The following LHFPL6 variants were observed in gnomAD, a reference collection of about 807,000 sequenced individuals.
The protein encoded by LHFPL6 is LHFPL tetraspan subfamily member 6.
In LHFPL6, 9 loss-of-function variants were observed where a neutral mutation model predicts 20.6. The ratio of observed to expected loss-of-function variants is 0.44; its 90% CI spans 0.26 to 0.76. The LOEUF (loss-of-function observed/expected upper bound fraction) is 0.76, where lower values mean the gene tolerates loss of function less well. Among genes scored for constraint, LHFPL6 ranks in the 30% least tolerant of loss-of-function variants. LHFPL6 has a pLI of 0.20. For synonymous variants in LHFPL6, 105 were observed against 98.7 expected (o/e 1.06, Z -0.38); for missense variants, 218 against 253.5 (o/e 0.86, Z 0.95).
At chr13:39,415,877 G>GAAGA (rs1871335266) in intron 2 of LHFPL6, among the ~76,000 whole-genome samples, 2 of 152,148 alleles carry the variant, frequency 1.3e-5, no homozygotes, top group South Asian at 4.1e-4. Context: ...AATACATTAC[G>GAAGA]AAGAAAGAAA....
At chr13:39,572,064 G>A (rs1014399019) in intron 2 of LHFPL6, among the ~76,000 whole-genome samples, 9 of 152,158 alleles carry the variant, frequency 5.9e-5, no homozygotes, top group South Asian at 2.1e-4. Flanking sequence ...CAGGGGCAAA[G>A]GACATGAACT....
intron 2 of LHFPL6, among the ~76,000 whole-genome samples, chr13:39,572,779 A>G (rs1011952730): frequency 2.6e-5 from 4 of 152,184 alleles, no homozygotes; most frequent in African/African-American, 9.6e-5. Context: ...TACCCAAGCC[A>G]TCAAAAACTG....
intron 2 of LHFPL6, among the ~76,000 whole-genome samples, chr13:39,386,189 A>C (rs1045141818): frequency 2.0e-5 from 3 of 152,190 alleles, no homozygotes; most frequent in Admixed American, 2.0e-4. Flanking sequence ...TCCATCTCAA[A>C]TTCTCCATAT....
chr13:39,455,395 T>C (rs1187476609), intron 2 of LHFPL6, among the ~76,000 whole-genome samples: 1 of 152,188 alleles, frequency 6.6e-6, no homozygotes, highest in African/African-American at 2.4e-5. Context: ...AGGTACACAC[T>C]GCTCCCATCA....
chr13:39,595,694 C>T (rs536089751), intron 2 of LHFPL6, among the ~76,000 whole-genome samples: 3 of 76,226 alleles, frequency 3.9e-5, no homozygotes, highest in Admixed American at 2.6e-4. Context: ...TATCAGTGTT[C>T]GTGGTTGTGA....
chr13:39,368,127 C>T (rs1352683029), intron 3 of LHFPL6, among the ~76,000 whole-genome samples: 4 of 151,980 alleles, frequency 2.6e-5, no homozygotes, highest in Admixed American at 1.3e-4. Context: ...GCCAGGAGTT[C>T]GAGACCAGCC....
At chr13:39,574,555 T>C (rs1872050407) in intron 2 of LHFPL6, among the ~76,000 whole-genome samples, 1 of 151,904 alleles carries the variant, frequency 6.6e-6, no homozygotes, top group Admixed American at 6.6e-5. Context: ...TCATATTTCA[T>C]ATTATTTGGA....
chr13:39,594,119 A>G (rs979293920), intron 2 of LHFPL6, among the ~76,000 whole-genome samples: 8 of 152,238 alleles, frequency 5.3e-5, no homozygotes, highest in Admixed American at 3.9e-4. Context: ...GACAAACGGG[A>G]TCTAATTAAA....
intron 2 of LHFPL6, among the ~76,000 whole-genome samples, chr13:39,437,661 T>C (rs939710751): frequency 6.6e-6 from 1 of 152,136 alleles, no homozygotes; most frequent in Non-Finnish European, 1.5e-5. Context: ...CCCAGCACTA[T>C]GGGAGGCTGA....
At chr13:39,424,575 C>T (rs1459866913) in intron 2 of LHFPL6, among the ~76,000 whole-genome samples, 1 of 152,128 alleles carries the variant, frequency 6.6e-6, no homozygotes, top group African/African-American at 2.4e-5. Flanking sequence ...AAAAATTTAT[C>T]ACCTGTTTAT....
chr13:39,559,095 T>A (rs1871394364), intron 2 of LHFPL6, among the ~76,000 whole-genome samples: 1 of 152,070 alleles, frequency 6.6e-6, no homozygotes, highest in Non-Finnish European at 1.5e-5. Flanking sequence ...AAAGGCAACA[T>A]CCAAGGAGAC....
At chr13:39,534,767 C>T (rs1025508453) in intron 2 of LHFPL6, among the ~76,000 whole-genome samples, 16 of 152,032 alleles carry the variant, frequency 1.1e-4, no homozygotes, top group African/African-American at 3.9e-4. Flanking sequence ...AATTGTGGAC[C>T]ATATCTATGC....
At chr13:39,464,669 T>C (rs1471612222) in intron 2 of LHFPL6, among the ~76,000 whole-genome samples, 1 of 150,674 alleles carries the variant, frequency 6.6e-6, no homozygotes, top group South Asian at 2.1e-4. Context: ...TCAATGTAGA[T>C]AAATTTAACT....
rs112625681 is a variant in LHFPL6 at position 39,526,639 on chromosome 13, G to C, written c.385+74193C>G. Among the ~76,000 whole-genome samples the C allele has an allele frequency of 7.3e-3, 1,111 of 152,324 alleles. 12 individuals carry two copies. The highest frequency in any genetic ancestry group is 0.025 in the African/African-American group (1,052 of 41,562). On this transcript the variant is annotated intron_variant, in intron 2 of 3. Coordinates refer to ENST00000379589, the MANE Select transcript of LHFPL6 (RefSeq NM_005780.3). Reference sequence around the variant, plus strand: ...CAAGTTAGTGTTCAGCATCAGATGGGCTGATTCCACACGACAAGGTTACAG... The same window carrying C: ...CAAGTTAGTGTTCAGCATCAGATGGCCTGATTCCACACGACAAGGTTACAG...
chr13:39,428,068 G>C (rs539352975), intron 2 of LHFPL6, among the ~76,000 whole-genome samples: 2 of 152,146 alleles, frequency 1.3e-5, no homozygotes, highest in Admixed American at 1.3e-4. Context: ...AGCCTCTTTG[G>C]AACTGTTTAC....
intron 2 of LHFPL6, among the ~76,000 whole-genome samples, chr13:39,528,113 G>T (rs1196461444): frequency 6.6e-6 from 1 of 152,114 alleles, no homozygotes; most frequent in Non-Finnish European, 1.5e-5. Context: ...TAAGAAAAGA[G>T]ATCTACTGAT....
intron 2 of LHFPL6, among the ~76,000 whole-genome samples, chr13:39,495,605 T>C (rs80135884): frequency 1.4e-5 from 1 of 69,830 alleles, no homozygotes; most frequent in African/African-American, 4.2e-5. Context: ...ATACTAGGCT[T>C]TTTTTTTTTT....
intron 2 of LHFPL6, among the ~76,000 whole-genome samples, chr13:39,562,149 T>C (rs1871503043): frequency 6.6e-6 from 1 of 152,094 alleles, no homozygotes; most frequent in South Asian, 2.1e-4. Context: ...GCTTTCATGT[T>C]CAGGAAGTGA....
At chr13:39,514,905 G>A (rs576264825) in intron 2 of LHFPL6, among the ~76,000 whole-genome samples, 1 of 152,336 alleles carries the variant, frequency 6.6e-6, no homozygotes, top group Admixed American at 6.5e-5. Context: ...CCCACGTAAT[G>A]CCACATATTG....
Sources: gnomAD v4.1 joint callset for allele counts (sites outside exome capture counted in the v4.1 genomes callset) on GRCh38, gnomAD v4.1.1 for gene constraint, MANE v1.5 for transcripts, NCBI Gene and HGNC (gene_info 2026-07-23, HGNC 2026-07-21) for gene names.